The following CNNM2 variants were observed in gnomAD, a reference collection of about 807,000 sequenced individuals.
CNNM2 encodes the protein cyclin and CBS domain divalent metal cation transport mediator 2.
A neutral mutation model predicts 66.9 loss-of-function variants in CNNM2; 12 were observed. That is an observed-to-expected ratio of 0.18 (90% CI 0.11 to 0.29). The LOEUF is 0.29. CNNM2 is among the 10% of genes least tolerant of loss of function. The pLI, the probability that CNNM2 is intolerant of heterozygous loss-of-function variation, is 1.00. For missense variants in CNNM2, 705 were observed against 1,167.7 expected, an observed-to-expected ratio of 0.60 and a Z score of 5.77; for synonymous variants, 557 against 501.8, an observed-to-expected ratio of 1.11 and a Z score of -1.47.
intron 1 of CNNM2, among the ~76,000 whole-genome samples, chr10:103,013,888 G>A (rs1191443289): frequency 2.0e-5 from 3 of 152,166 alleles, no homozygotes; most frequent in Non-Finnish European, 4.4e-5. Context: ...CTCAAATTCT[G>A]TATTAAATCT....
At chr10:103,039,397 A>C (rs2064999942) in intron 1 of CNNM2, among the ~76,000 whole-genome samples, 1 of 152,138 alleles carries the variant, frequency 6.6e-6, no homozygotes, top group Admixed American at 6.5e-5. Flanking sequence ...TCGGCCTCCC[A>C]AAGTGCTGGG....
chr10:103,055,096 C>T (rs1360965281), intron 3 of CNNM2, among the ~76,000 whole-genome samples: 1 of 152,120 alleles, frequency 6.6e-6, no homozygotes, highest in African/African-American at 2.4e-5. Context: ...TTTAAACCAC[C>T]AACCCAGCCG....
At chr10:103,060,138 A>G (rs2065359554) in intron 4 of CNNM2, among the ~76,000 whole-genome samples, 1 of 151,898 alleles carries the variant, frequency 6.6e-6, no homozygotes, top group Non-Finnish European at 1.5e-5. Flanking sequence ...ATGTCTCAAT[A>G]AAAAAGCTAT....
chr10:102,936,169 C>T (rs1846233708), intron 1 of CNNM2, among the ~76,000 whole-genome samples: 2 of 152,192 alleles, frequency 1.3e-5, no homozygotes, highest in South Asian at 4.1e-4. Flanking sequence ...AAACAATGTG[C>T]TGACTCAACT....
chr10:102,971,886 C>T (rs2063552472), intron 1 of CNNM2, among the ~76,000 whole-genome samples: 1 of 152,130 alleles, frequency 6.6e-6, no homozygotes, highest in African/African-American at 2.4e-5. Flanking sequence ...TGCACTTCTT[C>T]AGTGAGACTG....
chr10:102,965,776 C>G (rs1254563377), intron 1 of CNNM2, among the ~76,000 whole-genome samples: 1 of 152,124 alleles, frequency 6.6e-6, no homozygotes, highest in African/African-American at 2.4e-5. Flanking sequence ...AAAATAAAAG[C>G]AGATAATTTT....
In CNNM2 at chr10:102,918,927, A is replaced by G. The variant is rs1283892314; in HGVS notation, c.447A>G (p.Arg149=). Residue 149 remains arginine (R), a synonymous_variant, in exon 1 of 8, where the codon CGA becomes CGG. Coordinates refer to ENST00000369878, the MANE Select transcript of CNNM2 (RefSeq NM_017649.5). The surrounding 1 kb of genome is among the most constrained non-coding windows in gnomAD (Gnocchi z 4.1). ...APPEPDSGPQ[R]CGIRTSDIII... ...CAGAGCCGGACAGCGGCCCCCAGCG[A>G]TGCGGCATCCGCACCTCAGACATCA... is the stretch of plus-strand genomic sequence containing the variant. The G allele has an allele frequency of 6.8e-6, 11 of 1,611,860 alleles. No individual in the cohort carries two copies. The highest frequency in any genetic ancestry group is 8.5e-6 in the Non-Finnish European group (10 of 1,179,314).
intron 1 of CNNM2, among the ~76,000 whole-genome samples, chr10:102,974,278 G>C (rs1053739368): frequency 4.6e-5 from 7 of 152,178 alleles, no homozygotes; most frequent in Non-Finnish European, 8.8e-5. Context: ...CTAAGATGGG[G>C]CATGTACATG....
rs1302681877 is a variant in CNNM2 at position 102,998,860 on chromosome 10, A to AGCAGGGTT, written c.1622-50839_1622-50832dup. Reference sequence around the variant, plus strand: ...CCTATTAGCATTAATAAATGAGTTCAGCAGGGTTGCAGGGTACAAGAGCAA... The same window carrying AGCAGGGTT: ...CCTATTAGCATTAATAAATGAGTTCAGCAGGGTTGCAGGGTTGCAGGGTACAAGAGCAA... On this transcript the variant is annotated intron_variant, in intron 1 of 7. Coordinates refer to ENST00000369878, the MANE Select transcript of CNNM2 (RefSeq NM_017649.5). 3.3e-5 allele frequency among the ~76,000 whole-genome samples: 5 copies of AGCAGGGTT among 152,226 alleles called. No homozygotes were observed. The South Asian group carries it at 1.0e-3, about 32-fold the overall frequency.
intron 1 of CNNM2, among the ~76,000 whole-genome samples, chr10:103,006,149 G>A (rs2134263170): frequency 6.6e-6 from 1 of 152,164 alleles, no homozygotes; most frequent in Admixed American, 6.5e-5. Context: ...CCCATTGCAG[G>A]GGGAAAGCTT....
At chr10:103,050,060 C>G (rs1293558738) in intron 2 of CNNM2, among the ~76,000 whole-genome samples, 1 of 152,190 alleles carries the variant, frequency 6.6e-6, no homozygotes, top group Admixed American at 6.5e-5. Context: ...TCTGAACAGC[C>G]AGCTGCTTCT....
chr10:103,036,237 G>C (rs1305264025), intron 1 of CNNM2, among the ~76,000 whole-genome samples: 1 of 152,140 alleles, frequency 6.6e-6, no homozygotes, highest in African/African-American at 2.4e-5. Flanking sequence ...CAGGTCATTA[G>C]GAAGAGAAGA....
intron 1 of CNNM2, among the ~76,000 whole-genome samples, chr10:103,015,439 A>T (rs1489406284): frequency 1.3e-5 from 2 of 151,454 alleles, no homozygotes; most frequent in African/African-American, 4.9e-5. Context: ...GTGTCTAATA[A>T]ATACTCATGT....
chr10:103,061,582 GTCAA>G (rs970886969), intron 4 of CNNM2, among the ~76,000 whole-genome samples: 1 of 152,132 alleles, frequency 6.6e-6, no homozygotes, highest in African/African-American at 2.4e-5. Context: ...AGAAAAAATA[GTCAA>G]TCTTCAAAAA....
chr10:103,080,420 A>G lies in CNNM2; in HGVS notation c.*3240A>G, dbSNP rs1236839921. The G allele has an allele frequency of 1.3e-5, 2 of 152,210 alleles. No homozygotes were observed. The highest frequency in any genetic ancestry group is 2.9e-5 in the Non-Finnish European group (2 of 68,046). The allele number at this position is 152,210 out of a possible 1,614,324, so 9.4% of individuals were successfully genotyped here. A position where few individuals can be genotyped will look rare whatever the true frequency, so the allele number is the denominator to read the frequency against. ...AATCATACATTTAAACTCTTAGGAA[A>G]ACAAAATCTTAAGACTTACACAGAT... On this transcript the variant is annotated 3_prime_UTR_variant, in exon 8 of 8. Coordinates refer to ENST00000369878, the MANE Select transcript of CNNM2 (RefSeq NM_017649.5).
chr10:103,085,984 C>G lies in CNNM2; in HGVS notation c.*8804C>G, dbSNP rs1183335569. On this transcript the variant is annotated 3_prime_UTR_variant, in exon 8 of 8. Transcript: ENST00000369878. The stretch of plus-strand genomic sequence containing the variant: ...ACTTGCTTTCTGCTGTTTCTAGATA[C>G]CTAGCAGCGCGAGAACTGTGTGACG... 1.3e-5 allele frequency: 2 copies of G among 152,286 alleles called. No individual in the cohort carries two copies. Among genetic ancestry groups the G allele is most frequent in the Admixed American group, 1.3e-4 (2 of 15,274 alleles). 9.4% of individuals were successfully genotyped at this position (152,286 alleles called of 1,614,324 possible).
At chr10:102,934,258 T>C (rs1315254405) in intron 1 of CNNM2, among the ~76,000 whole-genome samples, 1 of 149,930 alleles carries the variant, frequency 6.7e-6, no homozygotes, top group Admixed American at 6.6e-5. Context: ...AAAGCAAGTC[T>C]ATTTCTTTCT....
chr10:102,926,152 T>A (rs984295704), intron 1 of CNNM2, among the ~76,000 whole-genome samples: 1 of 152,190 alleles, frequency 6.6e-6, no homozygotes, highest in Non-Finnish European at 1.5e-5. Context: ...GAAGCCCATG[T>A]CCTATTCGTG....
In CNNM2 at chr10:103,056,862, T is replaced by C. The variant is rs2065304235; in HGVS notation, c.1971T>C (p.Asn657=). ...TTCTAAGGCTGCTAAAGCACCCCAA[T>C]GTCATCCAGGAACTGAAATATGATG... ...KILLRLLKHP[N]VIQELKYDEK... Residue 657 remains asparagine, a synonymous_variant, in exon 4 of 8, where the codon AAT becomes AAC. Transcript: ENST00000369878. 1.9e-6 allele frequency: 3 copies of C among 1,613,978 alleles called. No individual in the cohort carries two copies. Among genetic ancestry groups the C allele is most frequent in the Non-Finnish European group, 1.7e-6 (2 of 1,179,880 alleles).
Sources: gnomAD v4.1 joint callset for allele counts (sites outside exome capture counted in the v4.1 genomes callset) on GRCh38, gnomAD v4.1.1 for gene constraint, Gnocchi (gnomAD v3.1) non-coding constraint, MANE v1.5 for transcripts, NCBI Gene and HGNC (gene_info 2026-07-23, HGNC 2026-07-21) for gene names.